The following CCDC180 variants were observed in gnomAD, a reference collection of about 807,000 sequenced individuals.
CCDC180 encodes the protein coiled-coil domain containing 180.
A neutral mutation model predicts 209.2 loss-of-function variants in CCDC180; 154 were observed. The observed-to-expected ratio is 0.74, with a 90% CI of 0.65 to 0.84. The LOEUF (loss-of-function observed/expected upper bound fraction) is 0.84, where lower values mean the gene tolerates loss of function less well. Ranked by LOEUF, CCDC180 falls within the 40% of genes least tolerant of loss-of-function variation. CCDC180 has a pLI of 0.00. For synonymous variants in CCDC180, 778 were observed against 749.1 expected (o/e 1.04, Z -0.63); for missense variants, 1,874 against 1,997.3 (o/e 0.94, Z 1.18).
intron 35 of CCDC180, among the ~76,000 whole-genome samples, 177 bp from the exon 36 acceptor site, chr9:97,375,277 A>G (rs1827218810): frequency 6.6e-6 from 1 of 152,226 alleles, no homozygotes; most frequent in Non-Finnish European, 1.5e-5. Context: ...GGGGGCTAAT[A>G]TGAAACAGCT....
intron 35 of CCDC180, 72 bp downstream of exon 35, chr9:97,374,720 G>A: frequency 7.9e-7 from 1 of 1,258,188 alleles, no homozygotes; most frequent in Non-Finnish European, 1.1e-6. Context: ...GTAATGGTTA[G>A]GGGCTTGGAC....
chr9:97,308,160 C>T, intron 2 of CCDC180, 28 bp downstream of exon 2: 1 of 1,536,094 alleles, frequency 6.5e-7, no homozygotes. Context: ...TCCCGCTTTT[C>T]TCCATCCCCC....
chr9:97,354,307 A>G (rs894858461), intron 22 of CCDC180, among the ~76,000 whole-genome samples: 10 of 152,104 alleles, frequency 6.6e-5, no homozygotes, highest in Non-Finnish European at 1.3e-4. Context: ...ACCTTTATAC[A>G]GTTCCAAGAA....
intron 22 of CCDC180, among the ~76,000 whole-genome samples, chr9:97,354,164 A>AT (rs1003819395): frequency 7.9e-5 from 12 of 151,440 alleles, no homozygotes; most frequent in South Asian, 2.1e-4. Flanking sequence ...CACCTGGCTA[A>AT]TTTTTTTTAC....
In CCDC180 at chr9:97,317,088, C is replaced by T; in HGVS notation, c.819C>T (p.Gly273=). 2 of 1,612,868 alleles carry T rather than the reference C, an allele frequency of 1.2e-6. No homozygotes were observed. Among genetic ancestry groups the T allele is most frequent in the South Asian group, 2.2e-5 (2 of 90,994 alleles). The change falls in exon 9 of 37, where the codon GGC becomes GGT. Residue 273 remains glycine (G), a synonymous_variant. Transcript: ENST00000529487. ...AGGTCATGAACTATGCCCTGCTGGG[C>T]AACCGGAAGGCTCTCGCCCAGCTGT... ...EAMVMNYALL[G]NRKALAQLFV... is the part of the protein sequence containing the mutation.
chr9:97,357,458 G>C (rs1564170957), intron 24 of CCDC180, among the ~76,000 whole-genome samples, 169 bp from the exon 25 acceptor site: 1 of 152,044 alleles, frequency 6.6e-6, no homozygotes, highest in African/African-American at 2.4e-5. Context: ...CTTGAGAGGG[G>C]AAAAAAATCT....
chr9:97,317,304 A>G, intron 9 of CCDC180, 76 bp downstream of exon 9: 1 of 1,309,380 alleles, frequency 7.6e-7, no homozygotes, highest in Non-Finnish European at 1.0e-6. Context: ...ATTCTCCCTC[A>G]CTTTTTGCCA....
At chr9:97,372,158 G>C (rs1259686904) in intron 34 of CCDC180, 1 of 152,854 alleles carries the variant, frequency 6.5e-6, no homozygotes, top group African/African-American at 2.4e-5. Context: ...AGAGACGAAG[G>C]ACAAACACAT....
At chr9:97,342,090 C>G (rs4645658) in intron 18 of CCDC180, among the ~76,000 whole-genome samples, 44,869 of 152,142 alleles carry the variant, frequency 0.29, 7,273 homozygotes, top group African/African-American at 0.41. Flanking sequence ...CATGGCTTCC[C>G]TTGGCTAGGA....
At chr9:97,332,786 G>A (rs1054745572) in intron 18 of CCDC180, among the ~76,000 whole-genome samples, 1 of 152,098 alleles carries the variant, frequency 6.6e-6, no homozygotes, top group African/African-American at 2.4e-5. Context: ...GAGACCATGG[G>A]GTTTTCTAGC....
chr9:97,357,993 C>A, intron 25 of CCDC180: 1 of 339,232 alleles, frequency 2.9e-6, no homozygotes, highest in Non-Finnish European at 5.3e-6. Flanking sequence ...CTGGCTTCCT[C>A]TGACCTCACT....
At chr9:97,361,984 AC>A in intron 27 of CCDC180, 86 bp downstream of exon 27, 1 of 1,485,162 alleles carries the variant, frequency 6.7e-7, no homozygotes, top group South Asian at 1.3e-5. Context: ...GGCCCCACAC[AC>A]TGGGGTTCCC....
chr9:97,313,433 C>A, intron 5 of CCDC180, 88 bp downstream of exon 5: 1 of 875,630 alleles, frequency 1.1e-6, no homozygotes, highest in Non-Finnish European at 1.8e-6. Context: ...TCCCCCTCTC[C>A]AGCAGAGAGG....
At chr9:97,365,584 A>G (rs1826894958) in intron 29 of CCDC180, 89 bp from the exon 30 acceptor site, 1 of 1,189,278 alleles carries the variant, frequency 8.4e-7, no homozygotes, top group Admixed American at 1.7e-5. Flanking sequence ...GCCAAAACAG[A>G]GCACTTGGAA....
intron 31 of CCDC180, 129 bp from the exon 32 acceptor site, chr9:97,369,793 G>T (rs977153700): frequency 5.2e-6 from 5 of 964,710 alleles, no homozygotes; most frequent in Non-Finnish European, 4.6e-6. Context: ...TGATGGAATA[G>T]CTCTTACCAC....
At chr9:97,373,254 C>T (rs1454670350) in intron 34 of CCDC180, 1 of 152,172 alleles carries the variant, frequency 6.6e-6, no homozygotes, top group African/African-American at 2.4e-5. Flanking sequence ...AGATTAAAAT[C>T]ATACATTAAA....
Position 97,313,232 on chromosome 9 carries a change from G to T in CCDC180, c.350-4G>T. 2 of 1,600,910 alleles carry T rather than the reference G, an allele frequency of 1.2e-6. No individual in the cohort carries two copies. Among genetic ancestry groups the T allele is most frequent in the South Asian group, 1.1e-5 (1 of 90,632 alleles). On this transcript the variant is annotated splice_polypyrimidine_tract_variant and splice_region_variant and intron_variant, in intron 4 of 36. Transcript: ENST00000529487. ...GCCTCATCACCTCTGTTGTTGCTCC[G>T]CAGTTCCTGAGAAGATAAGCACCAG...
Position 97,330,166 on chromosome 9 carries a change from G to A in CCDC180, c.1801G>A (p.Glu601Lys). ...TTTTTCCTTGTAGAACTTGGCTGGA[G>A]AAGTCATTTTCAAATTCAGGCAACC... ...REIFEQNLAG[E>K]VIFKFRQPEA... The change falls in exon 17 of 37, where the codon GAA (glutamate) becomes AAA (lysine). Residue 601 changes from glutamate to lysine, a missense_variant. Coordinates refer to ENST00000529487, the MANE Select transcript of CCDC180 (RefSeq NM_020893.6). 1.2e-6 allele frequency: 2 copies of A among 1,613,622 alleles called. No individual in the cohort carries two copies. Among genetic ancestry groups the A allele is most frequent in the African/African-American group, 1.3e-5 (1 of 74,796 alleles).
At chr9:97,330,846 G>A in intron 18 of CCDC180, 79 bp downstream of exon 18, 1 of 1,336,236 alleles carries the variant, frequency 7.5e-7, no homozygotes, top group Non-Finnish European at 1.0e-6. Context: ...AGTGTAAGCT[G>A]GGGTCTTCAG....
Sources: gnomAD v4.1 joint callset for allele counts (sites outside exome capture counted in the v4.1 genomes callset) on GRCh38, gnomAD v4.1.1 for gene constraint, MANE v1.5 for transcripts, NCBI Gene and HGNC (gene_info 2026-07-23, HGNC 2026-07-21) for gene names.